Variants in PPP2R2C observed in about 807,000 individuals in gnomAD.
The protein encoded by PPP2R2C is protein phosphatase 2, regulatory subunit B, gamma.
Under a neutral mutation model 45.3 loss-of-function variants are expected in PPP2R2C, and 10 were observed. That is an observed-to-expected ratio of 0.22 (90% confidence interval 0.14 to 0.37). The LOEUF is 0.37. Among genes scored for constraint, PPP2R2C ranks in the 10% least tolerant of loss-of-function variants. The probability of loss-of-function intolerance (pLI) is 1.00; values close to 1 mark genes in which losing one functional copy is unlikely to be tolerated. For synonymous variants in PPP2R2C, 257 were observed against 245.4 expected, an observed-to-expected ratio of 1.05 and a Z score of -0.44; for missense variants, 308 against 619.7, an observed-to-expected ratio of 0.50 and a Z score of 5.34.
intron 5 of PPP2R2C, among the ~76,000 whole-genome samples, chr4:6,358,792 G>A (rs1170028092): frequency 6.6e-6 from 1 of 152,212 alleles, no homozygotes; most frequent in Non-Finnish European, 1.5e-5. Context: ...AAACCACAAT[G>A]AGATACCATC....
At chr4:6,523,609 C>G (rs1724095580) in intron 2 of PPP2R2C, 1 of 152,226 alleles carries the variant, frequency 6.6e-6, no homozygotes, top group African/African-American at 2.4e-5. Context: ...CCTGCACACA[C>G]TGCTGGGGGC....
chr4:6,548,441 C>A lies in PPP2R2C; in HGVS notation c.-58-13064G>T, dbSNP rs141290854. Among the ~76,000 whole-genome samples the A allele has an allele frequency of 9.2e-5, 14 of 152,290 alleles. No individual in the cohort carries two copies. In the East Asian group the frequency reaches 2.7e-3, roughly 29 times the overall value. The stretch of plus-strand genomic sequence containing the variant: ...CACAAGGGCTGATGAGGGTGCAGAG[C>A]GCCTGGAACCCTTGTGCGTGACATC... On this transcript the variant is annotated intron_variant, in intron 1 of 9. Coordinates refer to the PPP2R2C transcript ENST00000506140.
At chr4:6,349,093 A>G in intron 5 of PPP2R2C, 8 of 985,232 alleles carry the variant, frequency 8.1e-6, no homozygotes, top group Non-Finnish European at 9.6e-6. Context: ...GCATGCAAGG[A>G]CTGGCACCCC....
intron 5 of PPP2R2C, among the ~76,000 whole-genome samples, chr4:6,359,975 C>T (rs1342196383): frequency 6.6e-6 from 1 of 152,232 alleles, no homozygotes; most frequent in Non-Finnish European, 1.5e-5. Context: ...AAGCAGTGTG[C>T]AAATACTGGT....
At chr4:6,443,682 G>A (rs570707403) in intron 1 of PPP2R2C, among the ~76,000 whole-genome samples, 3 of 152,184 alleles carry the variant, frequency 2.0e-5, no homozygotes, top group African/African-American at 2.4e-5. Context: ...TTCCTGGTCC[G>A]TATAAACATG....
At chr4:6,465,278 T>G (rs1347312775) in intron 1 of PPP2R2C, among the ~76,000 whole-genome samples, 1 of 152,296 alleles carries the variant, frequency 6.6e-6, no homozygotes, top group South Asian at 2.1e-4. Context: ...AAGATAACTG[T>G]TGGCCTCTCC....
At chr4:6,518,950 AAAAG>A in intron 2 of PPP2R2C, among the ~76,000 whole-genome samples, 1 of 145,344 alleles carries the variant, frequency 6.9e-6, no homozygotes, top group Non-Finnish European at 1.5e-5. Flanking sequence ...AAAAAAAAAA[AAAAG>A]AATAGAAAAG....
chr4:6,355,729 G>GC (rs1189474210), intron 5 of PPP2R2C, among the ~76,000 whole-genome samples: 1 of 152,042 alleles, frequency 6.6e-6, no homozygotes, highest in Admixed American at 6.6e-5. Context: ...GGTGGTTCAC[G>GC]CCTGTAATCC....
chr4:6,478,137 G>T (rs997285034), intron 2 of PPP2R2C, among the ~76,000 whole-genome samples: 7 of 152,142 alleles, frequency 4.6e-5, no homozygotes, highest in African/African-American at 1.7e-4. Flanking sequence ...TGCTCCCGCC[G>T]ACAGTGCCAT....
At chr4:6,410,868 T>G (rs1277338705) in intron 1 of PPP2R2C, among the ~76,000 whole-genome samples, 3 of 148,828 alleles carry the variant, frequency 2.0e-5, no homozygotes, top group African/African-American at 2.5e-5. Flanking sequence ...TTTATTTATT[T>G]ATTTATTTAT....
At chr4:6,441,047 T>C (rs1411049265) in intron 1 of PPP2R2C, among the ~76,000 whole-genome samples, 2 of 152,154 alleles carry the variant, frequency 1.3e-5, no homozygotes, top group Non-Finnish European at 2.9e-5. Flanking sequence ...TTTATACCAC[T>C]GCACCTGTCA....
At chr4:6,387,364 A>C (rs1227771557) in intron 1 of PPP2R2C, among the ~76,000 whole-genome samples, 1 of 152,216 alleles carries the variant, frequency 6.6e-6, no homozygotes, top group Admixed American at 6.5e-5. Flanking sequence ...AGCTAGAATA[A>C]AAACAACATA....
chr4:6,510,204 C>T (rs1723379593), intron 2 of PPP2R2C, among the ~76,000 whole-genome samples: 1 of 152,040 alleles, frequency 6.6e-6, no homozygotes, highest in African/African-American at 2.4e-5. Context: ...CAAACTCCAA[C>T]CTGCATGGCC....
chr4:6,411,602 G>A (rs1300290834), intron 1 of PPP2R2C, among the ~76,000 whole-genome samples: 1 of 148,912 alleles, frequency 6.7e-6, no homozygotes, highest in East Asian at 2.0e-4. Context: ...GCCCAGGCTG[G>A]AGTGCAGTGG....
intron 2 of PPP2R2C, among the ~76,000 whole-genome samples, chr4:6,522,415 C>T (rs1244136599): frequency 3.3e-5 from 5 of 152,216 alleles, no homozygotes; most frequent in African/African-American, 9.6e-5. Flanking sequence ...CCCCCCAGAC[C>T]CCACAGCTGG....
chr4:6,336,974 G>T (rs1213953544), intron 6 of PPP2R2C, among the ~76,000 whole-genome samples: 2 of 102,400 alleles, frequency 2.0e-5, no homozygotes, highest in South Asian at 8.2e-4. Context: ...GGATGGGTAC[G>T]GTAGGGGTAG....
chr4:6,502,377 C>T (rs1723087983), intron 2 of PPP2R2C, among the ~76,000 whole-genome samples: 1 of 152,122 alleles, frequency 6.6e-6, no homozygotes. Context: ...GCTGTGTGGA[C>T]TGAACAAGCA....
chr4:6,497,310 G>A (rs7654321), intron 2 of PPP2R2C, among the ~76,000 whole-genome samples: 39,290 of 151,968 alleles, frequency 0.26, 5,856 homozygotes, highest in Middle Eastern at 0.35. Context: ...ACTTAAGGCC[G>A]TGTGATATTG....
At chr4:6,376,053 G>T in intron 3 of PPP2R2C, 122 bp from the exon 4 acceptor site, 1 of 773,808 alleles carries the variant, frequency 1.3e-6, no homozygotes, top group Non-Finnish European at 2.1e-6. Context: ...TCTGCCAACA[G>T]ACGGCTTTGG....
Sources: allele counts gnomAD v4.1 joint callset (sites outside exome capture counted in the v4.1 genomes callset), GRCh38; gene constraint gnomAD v4.1.1; transcripts MANE v1.5; gene names NCBI Gene and HGNC (gene_info 2026-07-23, HGNC 2026-07-21).